Variants in FBXL7 observed in about 807,000 individuals in gnomAD.
The protein encoded by FBXL7 is F-box/LRR-repeat protein 7.
FBXL7 carries 12 observed loss-of-function variants against 38.3 expected under a neutral mutation model. That is an observed-to-expected ratio of 0.31 (90% CI 0.20 to 0.51). The LOEUF (loss-of-function observed/expected upper bound fraction) is 0.51. FBXL7 is among the 20% of genes least tolerant of loss of function. The pLI is 0.98. For synonymous variants in FBXL7, 297 were observed against 300.9 expected (o/e 0.99, Z 0.13); for missense variants, 567 against 676.4 (o/e 0.84, Z 1.79).
intron 1 of FBXL7, among the ~76,000 whole-genome samples, chr5:15,535,451 A>G (rs1737557768): frequency 6.6e-6 from 1 of 152,220 alleles, no homozygotes; most frequent in Non-Finnish European, 1.5e-5. Context: ...GTCCAGGCTG[A>G]GATGGTATCA....
At chr5:15,826,383 T>A (rs1738308892) in intron 2 of FBXL7, among the ~76,000 whole-genome samples, 1 of 152,164 alleles carries the variant, frequency 6.6e-6, no homozygotes, top group Non-Finnish European at 1.5e-5. Context: ...AATTCCATCT[T>A]TTAAGTACAG....
intron 2 of FBXL7, among the ~76,000 whole-genome samples, chr5:15,673,487 G>C (rs183219461): frequency 1.0e-3 from 153 of 152,214 alleles, no homozygotes; most frequent in African/African-American, 3.2e-3. Flanking sequence ...TGTATAAACT[G>C]ATTGTAAACA....
At chr5:15,801,888 G>T (rs1186823465) in intron 2 of FBXL7, among the ~76,000 whole-genome samples, 2 of 151,980 alleles carry the variant, frequency 1.3e-5, no homozygotes, top group African/African-American at 4.8e-5. Flanking sequence ...TGCATTTGAT[G>T]AACTTTTTGA....
At chr5:15,663,538 T>C (rs113861131) in intron 2 of FBXL7, among the ~76,000 whole-genome samples, 1 of 152,300 alleles carries the variant, frequency 6.6e-6, no homozygotes, top group African/African-American at 2.4e-5. Flanking sequence ...ATGAGGTCTA[T>C]TGAATTTTAT....
intron 1 of FBXL7, among the ~76,000 whole-genome samples, chr5:15,502,853 G>A (rs759366805): frequency 3.9e-5 from 6 of 152,140 alleles, no homozygotes; most frequent in Non-Finnish European, 8.8e-5. Flanking sequence ...TTCAAAGAAA[G>A]TAAAAGCAAC....
intron 2 of FBXL7, among the ~76,000 whole-genome samples, chr5:15,746,618 G>T (rs572794034): frequency 1.3e-4 from 19 of 151,992 alleles, no homozygotes; most frequent in African/African-American, 4.3e-4. Flanking sequence ...CCTCCCAAGG[G>T]TCCCACTGCC....
At chr5:15,649,718 C>T (rs548054988) in intron 2 of FBXL7, among the ~76,000 whole-genome samples, 14 of 150,774 alleles carry the variant, frequency 9.3e-5, no homozygotes, top group Non-Finnish European at 1.9e-4. Flanking sequence ...TTGTACCTCA[C>T]TATGTCACCT....
intron 2 of FBXL7, among the ~76,000 whole-genome samples, chr5:15,808,838 G>A (rs890578976): frequency 6.6e-6 from 1 of 152,144 alleles, no homozygotes; most frequent in African/African-American, 2.4e-5. Flanking sequence ...ATGTAGGCCT[G>A]TTCTTTTTTG....
intron 1 of FBXL7, among the ~76,000 whole-genome samples, chr5:15,577,851 A>C (rs1739021552): frequency 6.6e-6 from 1 of 152,192 alleles, no homozygotes; most frequent in African/African-American, 2.4e-5. Context: ...ACATTATAAA[A>C]ATAATCATAG....
chr5:15,888,894 C>A (rs1488624772), intron 2 of FBXL7, among the ~76,000 whole-genome samples: 1 of 151,890 alleles, frequency 6.6e-6, no homozygotes, highest in African/African-American at 2.4e-5. Flanking sequence ...ATTAGAAGAA[C>A]CAAAAAAAAT....
intron 1 of FBXL7, among the ~76,000 whole-genome samples, chr5:15,605,670 C>T (rs891196): frequency 0.94 from 143,776 of 152,226 alleles, 68,342 homozygotes; most frequent in Non-Finnish European, 0.99. Flanking sequence ...GATGGTTGCA[C>T]GCATTATGAA....
At chr5:15,693,214 T>C (rs1743232839) in intron 2 of FBXL7, among the ~76,000 whole-genome samples, 1 of 152,122 alleles carries the variant, frequency 6.6e-6, no homozygotes, top group Admixed American at 6.5e-5. Context: ...TTATCTCCTG[T>C]GAGCTGTCTG....
chr5:15,750,882 G>A (rs930129773), intron 2 of FBXL7, among the ~76,000 whole-genome samples: 2 of 152,178 alleles, frequency 1.3e-5, no homozygotes, highest in Non-Finnish European at 2.9e-5. Context: ...CTGCAGATCT[G>A]AAGTTCACTG....
chr5:15,935,207 G>C (rs559017684), intron 3 of FBXL7: 26 of 534,832 alleles, frequency 4.9e-5, no homozygotes, highest in Admixed American at 4.8e-4. Context: ...AGCCCTGTTA[G>C]ACTCTGGATT....
intron 1 of FBXL7, among the ~76,000 whole-genome samples, chr5:15,517,500 C>G (rs1736974804): frequency 6.6e-6 from 1 of 152,026 alleles, no homozygotes; most frequent in Admixed American, 6.6e-5. Flanking sequence ...AGTGGGGGAA[C>G]AACATGAGGT....
chr5:15,869,635 T>C (rs1283730827), intron 2 of FBXL7, among the ~76,000 whole-genome samples: 3 of 152,180 alleles, frequency 2.0e-5, no homozygotes, highest in African/African-American at 4.8e-5. Flanking sequence ...TTTATATGTT[T>C]TGTTCGCCGC....
At position 15,503,258 on chromosome 5, in the gene FBXL7, T is replaced by A. The variant is rs1469064249; in HGVS notation, c.37+2545T>A. Among the ~76,000 whole-genome samples, 3 of 152,196 alleles carry A rather than the reference T, an allele frequency of 2.0e-5. No homozygotes were observed. In the East Asian group the frequency reaches 5.8e-4, roughly 29 times the overall value. On this transcript the variant is annotated intron_variant, in intron 1 of 3. Coordinates refer to ENST00000504595, the MANE Select transcript of FBXL7 (RefSeq NM_012304.5). ...CAACATGGTGAAACCCTGTCTCTACTAAAAATACAAAAAGTATCCAGGCGT... is the reference window on the plus strand; with the variant it reads ...CAACATGGTGAAACCCTGTCTCTACAAAAAATACAAAAAGTATCCAGGCGT...
chr5:15,730,807 T>G (rs1039765118), intron 2 of FBXL7, among the ~76,000 whole-genome samples: 3 of 152,208 alleles, frequency 2.0e-5, no homozygotes, highest in African/African-American at 7.2e-5. Flanking sequence ...AAAGGTGAAT[T>G]TCTCCAGATT....
chr5:15,517,557 G>A (rs375457679), intron 1 of FBXL7, among the ~76,000 whole-genome samples: 1 of 152,172 alleles, frequency 6.6e-6, no homozygotes, highest in Non-Finnish European at 1.5e-5. Flanking sequence ...GGGAGGAAAG[G>A]GTGATGTGAG....
Sources: allele counts gnomAD v4.1 joint callset (sites outside exome capture counted in the v4.1 genomes callset), GRCh38; gene constraint gnomAD v4.1.1; transcripts MANE v1.5; gene names NCBI Gene and HGNC (gene_info 2026-07-23, HGNC 2026-07-21).